Variants in SCARA5 observed in about 807,000 individuals in gnomAD.
SCARA5 encodes the protein scavenger receptor class A member 5.
A neutral mutation model predicts 46.3 loss-of-function variants in SCARA5; 45 were observed. The ratio of observed to expected loss-of-function variants is 0.97; its 90% CI spans 0.76 to 1.24. SCARA5 has a LOEUF of 1.24. Among genes scored for constraint, SCARA5 ranks in the 50% most tolerant of loss-of-function variants. The probability of loss-of-function intolerance (pLI) is 0.00; values close to 1 mark genes in which losing one functional copy is unlikely to be tolerated. For synonymous variants in SCARA5, 333 were observed against 306.5 expected (o/e 1.09, Z -0.90); for missense variants, 680 against 689.0 (o/e 0.99, Z 0.15).
At chr8:27,975,738 C>T (rs1417203449) in intron 2 of SCARA5, among the ~76,000 whole-genome samples, 1 of 151,994 alleles carries the variant, frequency 6.6e-6, no homozygotes, top group African/African-American at 2.4e-5. Context: ...GTAGAGTGAA[C>T]ACCAGTGACC....
At chr8:27,929,081 T>C (rs1382346506) in intron 3 of SCARA5, among the ~76,000 whole-genome samples, 1 of 152,166 alleles carries the variant, frequency 6.6e-6, no homozygotes, top group Non-Finnish European at 1.5e-5. Context: ...AAATTAAGAC[T>C]CTGACTCAAT....
At chr8:27,973,038 G>A (rs1808470152) in intron 2 of SCARA5, among the ~76,000 whole-genome samples, 1 of 152,154 alleles carries the variant, frequency 6.6e-6, no homozygotes, top group Admixed American at 6.5e-5. Context: ...GTGTCTCCCT[G>A]TCAGCCAGTG....
chr8:27,952,835 G>A (rs1028905917), intron 3 of SCARA5, among the ~76,000 whole-genome samples: 3 of 152,250 alleles, frequency 2.0e-5, no homozygotes, highest in East Asian at 1.9e-4. Context: ...TTTTCTAGTC[G>A]TAACACATAC....
chr8:27,942,707 G>A (rs1323383690), intron 3 of SCARA5, among the ~76,000 whole-genome samples: 3 of 152,118 alleles, frequency 2.0e-5, no homozygotes, highest in African/African-American at 7.2e-5. Context: ...CCTTTCTTGT[G>A]CTGCTTGAAC....
chr8:27,901,574 G>T (rs533342186), intron 7 of SCARA5, among the ~76,000 whole-genome samples: 76 of 152,268 alleles, frequency 5.0e-4, no homozygotes, highest in South Asian at 4.6e-3. Context: ...CAGGGATATG[G>T]TTAATGCTTC....
intron 7 of SCARA5, among the ~76,000 whole-genome samples, chr8:27,898,016 C>T (rs753447195): frequency 5.3e-5 from 8 of 152,242 alleles, no homozygotes; most frequent in Non-Finnish European, 1.0e-4. Flanking sequence ...GGGCCCAGCT[C>T]TGGTCTCTCT....
At chr8:27,883,567 T>G (rs1156381859) in intron 7 of SCARA5, among the ~76,000 whole-genome samples, 1 of 152,204 alleles carries the variant, frequency 6.6e-6, no homozygotes, top group East Asian at 1.9e-4. Flanking sequence ...GTGAGGGATC[T>G]CTATTTTTCC....
chr8:27,940,464 A>G (rs1043714331), intron 3 of SCARA5, among the ~76,000 whole-genome samples: 2 of 152,208 alleles, frequency 1.3e-5, no homozygotes, highest in Admixed American at 1.3e-4. Context: ...CAAAGGCTGG[A>G]AAATGTGATG....
intron 3 of SCARA5, among the ~76,000 whole-genome samples, chr8:27,955,386 C>T (rs915498350): frequency 6.6e-6 from 1 of 152,196 alleles, no homozygotes; most frequent in South Asian, 2.1e-4. Flanking sequence ...TATGAGGCCT[C>T]CAGAAGGAGC....
intron 3 of SCARA5, among the ~76,000 whole-genome samples, chr8:27,940,648 ATCCATTTGTCCATCCATCCATTTGTCCAC>A (rs1807928464): frequency 5.4e-5 from 1 of 18,422 alleles, no homozygotes; most frequent in Non-Finnish European, 1.1e-4. Flanking sequence ...CCACCCACCC[ATCCATTTGTCCATCCATCCATTTGTCCAC>A]CCATCTGTCC....
At position 27,879,595 on chromosome 8, in the gene SCARA5, A is replaced by G. The variant is rs758331317; in HGVS notation, c.1325T>C (p.Val442Ala). ...TTGCCCGAATCGAGCTGTGCGGTAC[A>G]CCTCCTCCACACCGCGGAAGCCGAG... ...RMLGFRGVEEVYRTARFGQGT... is the reference protein window; with the variant it reads ...RMLGFRGVEEAYRTARFGQGT... The change falls in exon 8 of 9, where the codon GTG becomes GCG. Residue 442 changes from valine to alanine, a missense_variant. Transcript: ENST00000354914. 1.2e-6 allele frequency: 2 copies of G among 1,609,048 alleles called. No homozygotes were observed. The highest frequency in any genetic ancestry group is 2.2e-5 in the East Asian group (1 of 44,868).
At chr8:27,916,987 C>G (rs952159599) in intron 4 of SCARA5, among the ~76,000 whole-genome samples, 1 of 152,082 alleles carries the variant, frequency 6.6e-6, no homozygotes, top group Admixed American at 6.5e-5. Flanking sequence ...AGGGAGCTGC[C>G]CCATCCCTCC....
chr8:27,927,054 C>A (rs1807690944), intron 3 of SCARA5, among the ~76,000 whole-genome samples: 1 of 152,188 alleles, frequency 6.6e-6, no homozygotes, highest in Admixed American at 6.5e-5. Flanking sequence ...CAGACTGAAG[C>A]CCCAGGGCCG....
chr8:27,922,067 C>T lies in SCARA5; in HGVS notation c.420G>A (p.Leu140=). 6.3e-7 allele frequency: 1 copy of T among 1,593,540 alleles called. No individual in the cohort carries two copies. Among genetic ancestry groups the T allele is most frequent in the Non-Finnish European group, 8.5e-7 (1 of 1,172,700 alleles). The change falls in exon 4 of 9, where the codon CTG becomes CTA. Residue 140 remains leucine, a synonymous_variant. Coordinates refer to ENST00000354914, the MANE Select transcript of SCARA5 (RefSeq NM_173833.6). The part of the protein sequence containing the change: ...DALQNQSDSL[L]ALAGAVQRLE... ...GCCGCTGCACTGCGCCCGCCAGCGC[C>T]AGCAACGAGTCTGACTGGTTCTGCA... is the stretch of plus-strand genomic sequence containing the variant.
At position 27,901,950 on chromosome 8, in the gene SCARA5, G is replaced by A. The variant is rs540072457; in HGVS notation, c.1153+2828C>T. Among the ~76,000 whole-genome samples the A allele has an allele frequency of 1.0e-3, 153 of 152,312 alleles. 1 individual carries two copies. Among genetic ancestry groups the A allele is most frequent in the African/African-American group, 3.6e-3 (148 of 41,582 alleles). ...CTCCCCTATGGGCCTCTGAAAATGG[G>A]GAGATGGAGGCTGGCCTCCCAGTTT... On this transcript the variant is annotated intron_variant, in intron 7 of 8. Coordinates refer to ENST00000354914, the MANE Select transcript of SCARA5 (RefSeq NM_173833.6).
At chr8:27,889,909 A>C (rs972305876) in intron 7 of SCARA5, among the ~76,000 whole-genome samples, 1 of 152,178 alleles carries the variant, frequency 6.6e-6, no homozygotes, top group Non-Finnish European at 1.5e-5. Flanking sequence ...CCGTGCACAG[A>C]TATGCAGCAC....
At chr8:27,972,991 C>T (rs1030003349) in intron 2 of SCARA5, among the ~76,000 whole-genome samples, 3 of 152,188 alleles carry the variant, frequency 2.0e-5, no homozygotes, top group African/African-American at 4.8e-5. Flanking sequence ...ACCTCTCTGG[C>T]GACCCCACTA....
chr8:27,959,105 C>A (rs1400254601), intron 3 of SCARA5, among the ~76,000 whole-genome samples: 1 of 152,078 alleles, frequency 6.6e-6, no homozygotes, highest in African/African-American at 2.4e-5. Flanking sequence ...TGGTGGCATG[C>A]ACCTGTAATC....
At chr8:27,872,141 T>A in intron 8 of SCARA5, 71 bp from the exon 9 acceptor site, 4 of 1,550,332 alleles carry the variant, frequency 2.6e-6, no homozygotes, top group Non-Finnish European at 3.5e-6. Flanking sequence ...AGAGCATAAC[T>A]GTGCCTGCCC....
Sources: allele counts gnomAD v4.1 joint callset (sites outside exome capture counted in the v4.1 genomes callset), GRCh38; gene constraint gnomAD v4.1.1; transcripts MANE v1.5; gene names NCBI Gene and HGNC (gene_info 2026-07-23, HGNC 2026-07-21).